The following NBPF9 variants were observed in gnomAD, a reference collection of about 807,000 sequenced individuals.
The protein encoded by NBPF9 is NBPF family member NBPF9.
NBPF9 carries 91 observed loss-of-function variants against 97.8 expected under a neutral mutation model. The observed-to-expected ratio is 0.93, with a 90% confidence interval of 0.79 to 1.11. The LOEUF (loss-of-function observed/expected upper bound fraction) is 1.11, where lower values mean the gene tolerates loss of function less well. Among genes scored for constraint, NBPF9 ranks in the 50% least tolerant of loss-of-function variants. NBPF9 has a pLI of 0.00. For missense variants in NBPF9, 992 were observed against 939.5 expected, an observed-to-expected ratio of 1.06 and a Z score of -0.73; for synonymous variants, 334 against 359.5, an observed-to-expected ratio of 0.93 and a Z score of 0.80.
At chr1:149,058,683 T>A in intron 26 of NBPF9, 1 of 297,602 alleles carries the variant, frequency 3.4e-6, no homozygotes, top group Non-Finnish European at 5.9e-6. Flanking sequence ...TCCAATGTGC[T>A]GAGAGCGGGC....
chr1:149,058,199 T>C (rs782632220), exon 27 of NBPF9: 25 of 415,450 alleles, frequency 6.0e-5, no homozygotes, highest in East Asian at 1.5e-4. Flanking sequence ...CTTCCTCTTC[T>C]TGGTCCTTTT....
intron 7 of NBPF9, among the ~76,000 whole-genome samples, chr1:149,081,180 T>C (rs1201378907): frequency 1.3e-5 from 2 of 152,108 alleles, no homozygotes; most frequent in African/African-American, 4.8e-5. Flanking sequence ...AGTGCAATAG[T>C]GCAATCTTGG....
chr1:149,060,020 G>C, intron 24 of NBPF9: 1 of 366,956 alleles, frequency 2.7e-6, no homozygotes, highest in Non-Finnish European at 5.0e-6. Flanking sequence ...CCCTATTCTA[G>C]TAGATCGTTA....
intron 12 of NBPF9, among the ~76,000 whole-genome samples, chr1:149,074,548 C>T (rs113785074): frequency 6.6e-6 from 1 of 151,538 alleles, no homozygotes; most frequent in Admixed American, 6.6e-5. Context: ...ATGTAATTCA[C>T]TGCAGCAATT....
chr1:149,059,087 C>A lies in NBPF9; in HGVS notation c.2596G>T (p.Glu866Ter), dbSNP rs1346909427. 1.4e-5 allele frequency: 6 copies of A among 420,658 alleles called. 1 individual carries two copies. Among genetic ancestry groups the A allele is most frequent in the Non-Finnish European group, 2.6e-5 (6 of 234,702 alleles). The allele number at this position is 420,658 out of a possible 1,614,324, so 26.1% of individuals were successfully genotyped here. A position where few individuals can be genotyped will look rare whatever the true frequency, so the allele number is the denominator to read the frequency against. ...TCAGGCTCTTTCTCATCCAGCAGCT[C>A]CCTGCTGAGCCTGGAAAAGTAGGAA... Residue 866 changes from glutamate (E) to a stop codon, truncating the protein, a stop_gained, in exon 26 of 30, where the codon GAG (glutamate) becomes TAG (stop). Transcript: ENST00000584027. LOFTEE classifies it high-confidence loss of function.
intron 5 of NBPF9, among the ~76,000 whole-genome samples, chr1:149,089,596 G>C (rs1407837643): frequency 6.6e-6 from 1 of 152,308 alleles, no homozygotes; most frequent in African/African-American, 2.4e-5. Flanking sequence ...AGGAGGAGGG[G>C]ATGTTATGGG....
At chr1:149,076,639 A>G (rs1274846110) in intron 11 of NBPF9, among the ~76,000 whole-genome samples, 13 of 148,114 alleles carry the variant, frequency 8.8e-5, no homozygotes, top group African/African-American at 3.0e-4. Context: ...AGTAGCTGGG[A>G]CTACAGGCGC....
Position 149,062,272 on chromosome 1 carries a change from A to T in NBPF9, c.2079-7T>A. The T allele has an allele frequency of 1.5e-6, 1 of 660,030 alleles. No homozygotes were observed. The highest frequency in any genetic ancestry group is 2.7e-6 in the Non-Finnish European group (1 of 366,406). The allele number at this position is 660,030 out of a possible 1,614,324, so 40.9% of individuals were successfully genotyped here. A position where few individuals can be genotyped will look rare whatever the true frequency, so the allele number is the denominator to read the frequency against. On this transcript the variant is annotated splice_polypyrimidine_tract_variant and splice_region_variant and intron_variant, in intron 21 of 29. Transcript: ENST00000584027. ...CAGCAGCTCCCTGCTGAGCCTGGAAAAGTAGGAAAAAGTAAAGAATAAGCC... is the reference window on the plus strand; with the variant it reads ...CAGCAGCTCCCTGCTGAGCCTGGAATAGTAGGAAAAAGTAAAGAATAAGCC...
chr1:149,084,498 C>T (rs587610773), intron 5 of NBPF9, among the ~76,000 whole-genome samples: 66 of 147,636 alleles, frequency 4.5e-4, no homozygotes, highest in Admixed American at 3.7e-3. Context: ...AGAGTCGTGG[C>T]GAGGAGGACA....
chr1:149,059,095 A>C, exon 26 of NBPF9: 1 of 419,740 alleles, frequency 2.4e-6, no homozygotes, highest in South Asian at 2.6e-5. Context: ...CTCCCTGCTG[A>C]GCCTGGAAAA....
intron 3 of NBPF9, among the ~76,000 whole-genome samples, chr1:149,099,136 G>A: frequency 6.6e-6 from 1 of 152,296 alleles, no homozygotes; most frequent in South Asian, 2.1e-4. Context: ...GCAGATCTTA[G>A]TGAACAAGAA....
At chr1:149,074,541 T>C (rs1169085773) in intron 12 of NBPF9, among the ~76,000 whole-genome samples, 1 of 151,474 alleles carries the variant, frequency 6.6e-6, no homozygotes. Context: ...ACAGCTCATG[T>C]AATTCACTGC....
intron 8 of NBPF9, 97 bp downstream of exon 8, chr1:149,079,956 C>G (rs587671639): frequency 1.7e-5 from 16 of 940,056 alleles, no homozygotes; most frequent in East Asian, 4.8e-5. Flanking sequence ...CTGCCCTTCC[C>G]CTGGCCCAGC....
At chr1:149,075,478 CTAAA>C (rs2079780314) in intron 12 of NBPF9, among the ~76,000 whole-genome samples, 173 bp downstream of exon 12, 2 of 152,158 alleles carry the variant, frequency 1.3e-5, no homozygotes, top group African/African-American at 4.8e-5. Flanking sequence ...TGGAAAGTTG[CTAAA>C]TACTTTGGTA....
intron 5 of NBPF9, among the ~76,000 whole-genome samples, chr1:149,084,851 AC>A (rs1479976028): frequency 6.7e-6 from 1 of 149,756 alleles, no homozygotes; most frequent in Non-Finnish European, 1.5e-5. Context: ...GGAATTGACC[AC>A]GGATCTTTGT....
intron 5 of NBPF9, among the ~76,000 whole-genome samples, chr1:149,085,592 CTTCT>C (rs1261505613): frequency 2.0e-5 from 3 of 151,880 alleles, no homozygotes; most frequent in Admixed American, 6.6e-5. Context: ...TTTATTTAGC[CTTCT>C]TTAATTTTTC....
chr1:149,077,978 C>G, intron 9 of NBPF9, 23 bp from the exon 10 acceptor site: 1 of 1,590,304 alleles, frequency 6.3e-7, no homozygotes. Flanking sequence ...AATGTTCATT[C>G]AGATATTTCC....
chr1:149,084,241 G>GTATA (rs1286442376), intron 5 of NBPF9, among the ~76,000 whole-genome samples: 6 of 139,932 alleles, frequency 4.3e-5, no homozygotes, highest in African/African-American at 1.6e-4. Flanking sequence ...CATGGCACAC[G>GTATA]TATATATATA....
intron 5 of NBPF9, among the ~76,000 whole-genome samples, chr1:149,082,957 C>CTTATTTTTTTTTTTTTTT (rs2080627435): frequency 1.5e-5 from 1 of 66,470 alleles, no homozygotes; most frequent in Non-Finnish European, 2.6e-5. Flanking sequence ...TTTTTCTTTT[C>CTTATTTTTTTTTTTTTTT]TTTTTTTTTT....
Sources: allele counts gnomAD v4.1 joint callset (sites outside exome capture counted in the v4.1 genomes callset), GRCh38; gene constraint gnomAD v4.1.1; transcripts MANE v1.5; gene names NCBI Gene and HGNC (gene_info 2026-07-23, HGNC 2026-07-21).